CSMD1: variants seen among roughly 807,000 people sequenced by gnomAD.
CSMD1 encodes the protein CUB and Sushi multiple domains 1, also known as CUB and sushi domain-containing protein 1.
A neutral mutation model predicts 417.5 loss-of-function variants in CSMD1; 213 were observed. The observed-to-expected ratio is 0.51, with a 90% CI of 0.46 to 0.57. CSMD1 has a LOEUF of 0.57. CSMD1 is among the 20% of genes least tolerant of loss of function. The probability of loss-of-function intolerance (pLI) is 0.00; values close to 1 mark genes in which losing one functional copy is unlikely to be tolerated. For synonymous variants in CSMD1, 2,862 were observed against 1,736.8 expected (o/e 1.65, Z -16.11); for missense variants, 6,923 against 4,529.7 (o/e 1.53, Z -15.17).
At chr8:3,036,770 C>A (rs1020714035) in intron 50 of CSMD1, among the ~76,000 whole-genome samples, 4 of 152,084 alleles carry the variant, frequency 2.6e-5, no homozygotes, top group Admixed American at 2.6e-4. Flanking sequence ...TCTTAAAAAA[C>A]CCGTCCACCA....
At position 4,204,936 on chromosome 8, in the gene CSMD1, A is replaced by C. The variant is rs375368409; in HGVS notation, c.416-172837T>G. On this transcript the variant is annotated intron_variant, in intron 3 of 69. Transcript: ENST00000635120. Reference sequence around the variant, plus strand: ...CAGCTTCCCAAAGTGCTGGGATTACAAATGTGAGCCACTGAATCTGGCCTA... The same window carrying C: ...CAGCTTCCCAAAGTGCTGGGATTACCAATGTGAGCCACTGAATCTGGCCTA... Among the ~76,000 whole-genome samples, 9 of 152,194 alleles carry C rather than the reference A, an allele frequency of 5.9e-5. No homozygotes were observed. In the East Asian group the frequency reaches 1.3e-3, roughly 23 times the overall value.
intron 26 of CSMD1, among the ~76,000 whole-genome samples, chr8:3,263,200 G>C (rs1801203909): frequency 6.6e-6 from 1 of 152,182 alleles, no homozygotes; most frequent in Non-Finnish European, 1.5e-5. Context: ...CTGGGTTCAA[G>C]CGATTCTCCT....
chr8:3,877,775 G>C (rs560116337), intron 5 of CSMD1, among the ~76,000 whole-genome samples: 1 of 152,316 alleles, frequency 6.6e-6, no homozygotes, highest in African/African-American at 2.4e-5. Flanking sequence ...TCTAGCGTTA[G>C]CATGGCATGT....
In CSMD1 at chr8:3,577,600, A is replaced by G. The variant is rs1284023281; in HGVS notation, c.1223-2534T>C. On this transcript the variant is annotated intron_variant, in intron 9 of 69. Transcript: ENST00000635120. ...CAATTAGAACAATTTTTAGCATTTG[A>G]TTGTTTCCTCAATAAATATTAGCAT... is the stretch of plus-strand genomic sequence containing the variant. Among the ~76,000 whole-genome samples the G allele has an allele frequency of 2.0e-5, 3 of 152,118 alleles. No individual in the cohort carries two copies. The East Asian group carries it at 5.8e-4, about 29-fold the overall frequency.
chr8:4,744,876 T>G (rs909434492), intron 1 of CSMD1, among the ~76,000 whole-genome samples: 2 of 152,178 alleles, frequency 1.3e-5, no homozygotes, highest in Non-Finnish European at 2.9e-5. Flanking sequence ...AAAGTTGAAC[T>G]GAATTTTTTC....
intron 3 of CSMD1, among the ~76,000 whole-genome samples, chr8:4,038,465 T>C (rs570421531): frequency 1.3e-4 from 20 of 152,300 alleles, no homozygotes; most frequent in Non-Finnish European, 2.5e-4. Context: ...AATTTAGTGT[T>C]CGAGAAAAAC....
chr8:3,151,318 G>A, intron 40 of CSMD1, 79 bp downstream of exon 40: 1 of 845,842 alleles, frequency 1.2e-6, no homozygotes, highest in South Asian at 1.5e-5. Flanking sequence ...ACAGAATAAG[G>A]CATTTTATTC....
chr8:4,274,061 T>C (rs555091765), intron 3 of CSMD1, among the ~76,000 whole-genome samples: 1 of 152,210 alleles, frequency 6.6e-6, no homozygotes, highest in African/African-American at 2.4e-5. Flanking sequence ...TAAGAAACTG[T>C]GACTTTATTG....
chr8:3,715,926 C>G (rs962778973), intron 6 of CSMD1, among the ~76,000 whole-genome samples: 30 of 152,338 alleles, frequency 2.0e-4, no homozygotes, highest in Admixed American at 1.8e-3. Flanking sequence ...GCTGCAGCCC[C>G]TACTCCCTGT....
chr8:3,592,064 T>C (rs986201876), intron 8 of CSMD1, among the ~76,000 whole-genome samples: 49 of 152,044 alleles, frequency 3.2e-4, no homozygotes, highest in African/African-American at 1.2e-3. Context: ...AGATGATAGA[T>C]AGATGGAGGA....
At chr8:3,615,344 G>A (rs762182839) in intron 8 of CSMD1, among the ~76,000 whole-genome samples, 5 of 152,230 alleles carry the variant, frequency 3.3e-5, no homozygotes, top group African/African-American at 4.8e-5. Context: ...ACATCCTTCT[G>A]CTTAGCTCTT....
At chr8:3,134,573 G>C (rs377452703) in intron 41 of CSMD1, among the ~76,000 whole-genome samples, 15 of 152,214 alleles carry the variant, frequency 9.9e-5, no homozygotes, top group African/African-American at 3.6e-4. Flanking sequence ...TGGTCGAGTG[G>C]TTTTGCAACT....
intron 7 of CSMD1, among the ~76,000 whole-genome samples, chr8:3,672,587 T>C (rs751176916): frequency 6.6e-6 from 1 of 152,212 alleles, no homozygotes; most frequent in Non-Finnish European, 1.5e-5. Context: ...CCCAATAATG[T>C]GTTTACATTT....
chr8:3,746,938 T>C (rs1347624961), intron 6 of CSMD1, among the ~76,000 whole-genome samples: 1 of 152,218 alleles, frequency 6.6e-6, no homozygotes, highest in Non-Finnish European at 1.5e-5. Context: ...GCTTTCTGCC[T>C]GGAACAGGCC....
chr8:4,823,116 G>A lies in CSMD1; in HGVS notation c.85+171216C>T, dbSNP rs115451508. Among the ~76,000 whole-genome samples, 269 of 152,160 alleles carry A rather than the reference G, an allele frequency of 1.8e-3. 2 individuals are homozygous for A. Among genetic ancestry groups the A allele is most frequent in the African/African-American group, 6.3e-3 (262 of 41,524 alleles). On this transcript the variant is annotated intron_variant, in intron 1 of 69. Transcript: ENST00000635120. The stretch of plus-strand genomic sequence containing the variant: ...CTTGATACAGCATGAATATACTGGT[G>A]TCAAACTGAAGCTACTGGATGCTTT...
intron 3 of CSMD1, among the ~76,000 whole-genome samples, chr8:4,059,111 T>A (rs2130730269): frequency 6.6e-6 from 1 of 152,226 alleles, no homozygotes; most frequent in Admixed American, 6.5e-5. Flanking sequence ...CACAGTGCAA[T>A]CAAACTAGAA....
At chr8:4,883,896 G>C (rs1436131481) in intron 1 of CSMD1, among the ~76,000 whole-genome samples, 2 of 151,950 alleles carry the variant, frequency 1.3e-5, no homozygotes, top group Admixed American at 6.6e-5. Flanking sequence ...CTAACATTTT[G>C]AGGAACTGCC....
At chr8:4,077,297 G>GTATA (rs200304943) in intron 3 of CSMD1, among the ~76,000 whole-genome samples, 3,063 of 121,150 alleles carry the variant, frequency 0.025, 74 homozygotes, top group African/African-American at 0.047. Context: ...ATATATATGT[G>GTATA]TATATATATA....
At chr8:3,305,740 C>G (rs946510160) in intron 25 of CSMD1, among the ~76,000 whole-genome samples, 2 of 152,156 alleles carry the variant, frequency 1.3e-5, no homozygotes, top group African/African-American at 4.8e-5. Context: ...AGTACAGTGG[C>G]ACGATCTCAG....
Sources: gnomAD v4.1 joint callset for allele counts (sites outside exome capture counted in the v4.1 genomes callset) on GRCh38, gnomAD v4.1.1 for gene constraint, MANE v1.5 for transcripts, NCBI Gene and HGNC (gene_info 2026-07-23, HGNC 2026-07-21) for gene names.